The following NAALADL2 variants were observed in gnomAD, a reference collection of about 807,000 sequenced individuals.
NAALADL2 encodes inactive N-acetylated-alpha-linked acidic dipeptidase-like protein 2.
A neutral mutation model predicts 87.2 loss-of-function variants in NAALADL2; 76 were observed. The observed-to-expected ratio is 0.87, with a 90% CI of 0.72 to 1.05. The LOEUF is 1.05. Ranked by LOEUF, NAALADL2 falls within the 50% of genes least tolerant of loss-of-function variation. The probability of loss-of-function intolerance (pLI) is 0.00; values close to 1 mark genes in which losing one functional copy is unlikely to be tolerated. For synonymous variants in NAALADL2, 354 were observed against 331.0 expected (o/e 1.07, Z -0.75); for missense variants, 1,089 against 945.8 (o/e 1.15, Z -1.99).
intron 2 of NAALADL2, among the ~76,000 whole-genome samples, chr3:174,657,521 G>A (rs1725085227): frequency 6.6e-6 from 1 of 152,018 alleles, no homozygotes; most frequent in Non-Finnish European, 1.5e-5. Context: ...TGAGAGGAAG[G>A]CATAGAGATA....
chr3:175,675,214 C>T (rs1428430200), intron 11 of NAALADL2: 1 of 152,160 alleles, frequency 6.6e-6, no homozygotes, highest in African/African-American at 2.4e-5. Flanking sequence ...GTTATCATTA[C>T]CATTCCGGTA....
intron 5 of NAALADL2, among the ~76,000 whole-genome samples, chr3:175,370,527 G>A (rs996264968): frequency 2.0e-5 from 3 of 151,948 alleles, no homozygotes; most frequent in African/African-American, 7.3e-5. Context: ...TATAAAAATA[G>A]CTTTATTCAT....
chr3:175,487,543 G>T (rs1377489008), intron 9 of NAALADL2: 2 of 456,482 alleles, frequency 4.4e-6, no homozygotes, highest in African/African-American at 2.0e-5. Flanking sequence ...TTAGTTCCAG[G>T]TTTGATGATT....
At chr3:175,563,602 A>C (rs1272654972) in intron 9 of NAALADL2, among the ~76,000 whole-genome samples, 2 of 152,226 alleles carry the variant, frequency 1.3e-5, no homozygotes, top group African/African-American at 4.8e-5. Context: ...TCCGTTTTAC[A>C]AACTCTTTTA....
At chr3:174,896,568 A>G (rs555582836) in intron 1 of NAALADL2, among the ~76,000 whole-genome samples, 70 of 152,284 alleles carry the variant, frequency 4.6e-4, no homozygotes, top group Non-Finnish European at 8.5e-4. Flanking sequence ...AGAAGAATCA[A>G]TATTGTTAAA....
Position 175,343,655 on chromosome 3 carries a change from G to GTTTTTTTTTTTTTGTTT in NAALADL2, c.1090+19343_1090+19344insGTTTTTTTTTTTTTTTT, listed in dbSNP as rs1762803378. Among the ~76,000 whole-genome samples the GTTTTTTTTTTTTTGTTT allele has an allele frequency of 3.1e-4, 20 of 64,712 alleles. 4 individuals carry two copies. The highest frequency in any genetic ancestry group is 9.2e-4 in the African/African-American group (20 of 21,848). 42.5% of individuals were successfully genotyped at this position (64,712 alleles called of 152,430 possible). A position where few individuals can be genotyped will look rare whatever the true frequency, so the allele number is the denominator to read the frequency against. The stretch of plus-strand genomic sequence containing the variant: ...TGGAGTTCCTGTGTGTCTTGATCAT[G>GTTTTTTTTTTTTTGTTT]TTTTTTTTTTTTTTTTTTTTTCCCT... On this transcript the variant is annotated intron_variant, in intron 5 of 13. Coordinates refer to ENST00000454872, the MANE Select transcript of NAALADL2 (RefSeq NM_207015.3).
intron 1 of NAALADL2, among the ~76,000 whole-genome samples, chr3:174,950,876 A>G (rs865788648): frequency 1.3e-5 from 2 of 152,140 alleles, no homozygotes; most frequent in African/African-American, 4.8e-5. Context: ...TCAAATAGCT[A>G]TTAACATTTG....
At chr3:174,580,536 A>G (rs2108558357) in intron 2 of NAALADL2, among the ~76,000 whole-genome samples, 1 of 152,220 alleles carries the variant, frequency 6.6e-6, no homozygotes, top group South Asian at 2.1e-4. Context: ...AACTCCTTTT[A>G]ATCCCTTTCT....
At chr3:174,714,707 T>C (rs1210407736) in intron 2 of NAALADL2, among the ~76,000 whole-genome samples, 1 of 152,188 alleles carries the variant, frequency 6.6e-6, no homozygotes, top group East Asian at 1.9e-4. Context: ...GCTGAGACGA[T>C]GGGGTTTTCT....
chr3:175,493,447 C>T (rs1238918613), intron 9 of NAALADL2, among the ~76,000 whole-genome samples: 3 of 152,066 alleles, frequency 2.0e-5, no homozygotes, highest in Non-Finnish European at 4.4e-5. Context: ...ACATTCATCT[C>T]TTACACATGT....
At chr3:175,384,100 C>G (rs911409290) in intron 5 of NAALADL2, among the ~76,000 whole-genome samples, 11 of 151,998 alleles carry the variant, frequency 7.2e-5, no homozygotes, top group Non-Finnish European at 1.5e-4. Context: ...TGTTGAATCT[C>G]TCTTTTCTCC....
intron 2 of NAALADL2, among the ~76,000 whole-genome samples, chr3:174,707,528 C>G (rs1440009233): frequency 6.6e-6 from 1 of 151,690 alleles, no homozygotes; most frequent in Non-Finnish European, 1.5e-5. Flanking sequence ...CCATCATTCT[C>G]AGCAAACTAT....
intron 5 of NAALADL2, among the ~76,000 whole-genome samples, chr3:175,325,868 G>A (rs1304189547): frequency 2.6e-5 from 4 of 152,126 alleles, no homozygotes; most frequent in Non-Finnish European, 5.9e-5. Flanking sequence ...TCACCTTGAC[G>A]AATAGTGTCT....
chr3:175,069,701 A>G (rs975419318), intron 1 of NAALADL2, among the ~76,000 whole-genome samples: 2 of 152,060 alleles, frequency 1.3e-5, no homozygotes, highest in African/African-American at 4.8e-5. Context: ...TGCTATAAAG[A>G]CACATGCACA....
At chr3:175,085,798 G>A (rs1479960587) in intron 1 of NAALADL2, among the ~76,000 whole-genome samples, 1 of 152,092 alleles carries the variant, frequency 6.6e-6, no homozygotes, top group Admixed American at 6.6e-5. Flanking sequence ...TGTGCCTGTA[G>A]TCCCAGCTAC....
chr3:174,970,331 G>C (rs1182521759), intron 1 of NAALADL2, among the ~76,000 whole-genome samples: 1 of 152,150 alleles, frequency 6.6e-6, no homozygotes. Context: ...GATGGTTATA[G>C]TGAATTAGTA....
intron 1 of NAALADL2, among the ~76,000 whole-genome samples, chr3:174,447,301 A>C (rs1715130427): frequency 6.6e-6 from 1 of 152,158 alleles, no homozygotes; most frequent in Non-Finnish European, 1.5e-5. Context: ...AATGATTTGT[A>C]AATTAACACT....
intron 1 of NAALADL2, among the ~76,000 whole-genome samples, chr3:175,000,272 C>T (rs1442167808): frequency 2.0e-5 from 3 of 152,190 alleles, no homozygotes; most frequent in Non-Finnish European, 4.4e-5. Context: ...CAGTGTGCTA[C>T]TGCAATAGAA....
chr3:175,779,996 C>CG (rs779575392), intron 13 of NAALADL2, among the ~76,000 whole-genome samples: 3 of 151,740 alleles, frequency 2.0e-5, no homozygotes, highest in Non-Finnish European at 2.9e-5. Flanking sequence ...GGGCCGGGCG[C>CG]GGTGGCTCAC....
Sources: allele counts gnomAD v4.1 joint callset (sites outside exome capture counted in the v4.1 genomes callset), GRCh38; gene constraint gnomAD v4.1.1; transcripts MANE v1.5; gene names NCBI Gene and HGNC (gene_info 2026-07-23, HGNC 2026-07-21).